Variants in FHIP1A observed in about 807,000 individuals in gnomAD.
The protein encoded by FHIP1A is FHF complex subunit HOOK interacting protein 1A.
FHIP1A carries 61 observed loss-of-function variants against 88.6 expected under a neutral mutation model. That is an observed-to-expected ratio of 0.69 (90% CI 0.56 to 0.85). The LOEUF is 0.85. Ranked by LOEUF, FHIP1A falls within the 40% of genes least tolerant of loss-of-function variation. FHIP1A has a pLI of 0.00. For synonymous variants in FHIP1A, 478 were observed against 496.0 expected (o/e 0.96, Z 0.48); for missense variants, 1,154 against 1,273.5 (o/e 0.91, Z 1.43).
intron 1 of FHIP1A, among the ~76,000 whole-genome samples, chr4:151,425,252 T>C (rs1733318123): frequency 6.6e-6 from 1 of 152,256 alleles, no homozygotes; most frequent in South Asian, 2.1e-4. Context: ...TGTCAAACCA[T>C]ACCATAAAGA....
At chr4:151,509,759 T>TTGTGTGTGTGTGTG (rs113966280) in intron 3 of FHIP1A, among the ~76,000 whole-genome samples, 1 of 147,022 alleles carries the variant, frequency 6.8e-6, no homozygotes, top group African/African-American at 2.5e-5. Context: ...GTCTCTATGT[T>TTGTGTGTGTGTGTG]TGTGTGTGTG....
At chr4:151,527,540 GGAGAGC>G (rs1018384718) in intron 3 of FHIP1A, among the ~76,000 whole-genome samples, 2 of 151,968 alleles carry the variant, frequency 1.3e-5, no homozygotes, top group East Asian at 1.9e-4. Flanking sequence ...GAGACCGTGG[GGAGAGC>G]GAGAGCGAGA....
rs559665459 is a variant in FHIP1A, at chr4:151,411,351, T to C, written c.-356+1886T>C. On this transcript the variant is annotated intron_variant, in intron 1 of 13. Coordinates refer to ENST00000435205, the MANE Select transcript of FHIP1A (RefSeq NM_001109977.3). ...CTGAGGAGTGAAATTATATATATAT[T>C]TTTTTTTTTTTAAAGTTAGGGTCTC... is the stretch of plus-strand genomic sequence containing the variant. Among the ~76,000 whole-genome samples, 3 of 142,878 alleles carry C rather than the reference T, an allele frequency of 2.1e-5. 1 individual carries two copies. Among genetic ancestry groups the C allele is most frequent in the Non-Finnish European group, 4.6e-5 (3 of 65,112 alleles). The allele number at this position is 142,878 out of a possible 152,430, so 93.7% of individuals were successfully genotyped here. A position where few individuals can be genotyped will look rare whatever the true frequency, so the allele number is the denominator to read the frequency against.
At chr4:151,600,958 G>C (rs1734845861) in intron 7 of FHIP1A, among the ~76,000 whole-genome samples, 1 of 152,126 alleles carries the variant, frequency 6.6e-6, no homozygotes, top group South Asian at 2.1e-4. Flanking sequence ...CAATTTCAAG[G>C]GAAGAGGACA....
At chr4:151,435,657 T>C (rs1728160087) in intron 1 of FHIP1A, among the ~76,000 whole-genome samples, 1 of 151,996 alleles carries the variant, frequency 6.6e-6, no homozygotes, top group Admixed American at 6.6e-5. Context: ...TGGTGGCACA[T>C]GCCTATAATC....
rs1052032096 is a variant in FHIP1A at position 151,666,006 on chromosome 4, G to A, written c.*3252G>A. On this transcript the variant is annotated 3_prime_UTR_variant, in exon 14 of 14. Transcript: ENST00000435205. ...GGGCAGGAAAGGTGAGGGAGCCAAG[G>A]GTTCCTGGAGTATCACAACATTAAC... 5.9e-5 allele frequency among the ~76,000 whole-genome samples: 9 copies of A among 152,220 alleles called. No individual in the cohort carries two copies. Among genetic ancestry groups the A allele is most frequent in the African/African-American group, 2.2e-4 (9 of 41,448 alleles).
intron 3 of FHIP1A, among the ~76,000 whole-genome samples, chr4:151,502,841 T>C (rs1235236409): frequency 6.6e-6 from 1 of 152,146 alleles, no homozygotes; most frequent in Admixed American, 6.5e-5. Flanking sequence ...GCTAGAGAGG[T>C]GTCATTTCTC....
At chr4:151,632,042 C>CT (rs746087759) in intron 8 of FHIP1A, among the ~76,000 whole-genome samples, 1 of 152,000 alleles carries the variant, frequency 6.6e-6, no homozygotes, top group Non-Finnish European at 1.5e-5. Context: ...CATATACTGT[C>CT]TAAAAGACAC....
intron 13 of FHIP1A, among the ~76,000 whole-genome samples, chr4:151,662,293 G>C (rs1578877450): frequency 6.6e-6 from 1 of 152,338 alleles, no homozygotes; most frequent in East Asian, 1.9e-4. Flanking sequence ...TCTCATATCA[G>C]ATGCTATATG....
chr4:151,588,919 T>A lies in FHIP1A; in HGVS notation c.971T>A (p.Leu324His), dbSNP rs1734321461. ...TTGGTACCAGTCTTGGCTCCTGCTC[T>A]CCATAAGGTCAGTGATTGGCTCATG... Reference protein sequence around the residue: ...GFLVPVLAPALHKVTVEEVMT... With the variant: ...GFLVPVLAPAHHKVTVEEVMT... Residue 324 changes from leucine to histidine, a missense_variant, in exon 7 of 14, where the codon CTC becomes CAC. Physicochemically the swap from Leu to His is moderately conservative, Grantham distance 99 (BLOSUM62 -3). Transcript: ENST00000435205. 1 of 1,542,086 alleles carries A rather than the reference T, an allele frequency of 6.5e-7. No homozygotes were observed. The highest frequency in any genetic ancestry group is 8.8e-7 in the Non-Finnish European group (1 of 1,138,360).
intron 2 of FHIP1A, among the ~76,000 whole-genome samples, chr4:151,470,029 T>C (rs1012237662): frequency 6.6e-6 from 1 of 152,208 alleles, no homozygotes; most frequent in Non-Finnish European, 1.5e-5. Flanking sequence ...AAAACTGTGC[T>C]AAGAGCTTCT....
intron 3 of FHIP1A, among the ~76,000 whole-genome samples, chr4:151,527,206 C>G (rs563550374): frequency 2.6e-5 from 4 of 152,218 alleles, no homozygotes; most frequent in Non-Finnish European, 4.4e-5. Context: ...GAGCCGAGAT[C>G]ACGCCACTGC....
At chr4:151,629,215 A>C (rs151140584) in intron 7 of FHIP1A, among the ~76,000 whole-genome samples, 99 of 152,278 alleles carry the variant, frequency 6.5e-4, no homozygotes, top group Admixed American at 1.4e-3. Context: ...AATTTATATT[A>C]TCATTTTGCT....
At chr4:151,466,362 C>T (rs181749952) in intron 2 of FHIP1A, among the ~76,000 whole-genome samples, 186 of 152,292 alleles carry the variant, frequency 1.2e-3, no homozygotes, top group African/African-American at 4.3e-3. Flanking sequence ...ACGTTCCATG[C>T]TCATGGATAG....
chr4:151,449,075 T>G (rs1439481763), intron 1 of FHIP1A, among the ~76,000 whole-genome samples: 1 of 152,216 alleles, frequency 6.6e-6, no homozygotes, highest in Non-Finnish European at 1.5e-5. Flanking sequence ...TCAACTAGAC[T>G]GTAAACTTGA....
chr4:151,486,377 T>A (rs1730083304), intron 3 of FHIP1A, among the ~76,000 whole-genome samples: 1 of 152,184 alleles, frequency 6.6e-6, no homozygotes. Context: ...GTAAGCTTAT[T>A]TTAGACATTT....
At chr4:151,524,051 C>A (rs1279152276) in intron 3 of FHIP1A, among the ~76,000 whole-genome samples, 1 of 152,154 alleles carries the variant, frequency 6.6e-6, no homozygotes, top group Admixed American at 6.5e-5. Context: ...GTGGCTCACA[C>A]CTGTAATCCC....
chr4:151,468,974 G>T (rs1561509005), intron 2 of FHIP1A, among the ~76,000 whole-genome samples: 3 of 152,022 alleles, frequency 2.0e-5, no homozygotes, highest in Non-Finnish European at 4.4e-5. Flanking sequence ...CCTAGCCTGG[G>T]ATCCCAAGAA....
intron 7 of FHIP1A, among the ~76,000 whole-genome samples, chr4:151,621,962 T>C (rs1735763585): frequency 6.6e-6 from 1 of 152,152 alleles, no homozygotes; most frequent in Admixed American, 6.5e-5. Flanking sequence ...AAGGAAGGCA[T>C]CCCCAACATG....
Sources: allele counts gnomAD v4.1 joint callset (sites outside exome capture counted in the v4.1 genomes callset), GRCh38; gene constraint gnomAD v4.1.1; transcripts MANE v1.5; gene names NCBI Gene and HGNC (gene_info 2026-07-23, HGNC 2026-07-21).